The following SESN2 variants were observed in gnomAD, a reference collection of about 807,000 sequenced individuals.
The protein encoded by SESN2 is sestrin 2.
Under a neutral mutation model 56.0 loss-of-function variants are expected in SESN2, and 42 were observed. That is an observed-to-expected ratio of 0.75 (90% CI 0.59 to 0.97). The LOEUF (loss-of-function observed/expected upper bound fraction) is 0.97. Ranked by LOEUF, SESN2 falls within the 50% of genes least tolerant of loss-of-function variation. SESN2 has a pLI of 0.00. For synonymous variants in SESN2, 264 were observed against 267.1 expected (o/e 0.99, Z 0.11); for missense variants, 507 against 649.4 (o/e 0.78, Z 2.38).
chr1:28,273,579 C>G, intron 6 of SESN2, 71 bp downstream of exon 6: 1 of 1,373,642 alleles, frequency 7.3e-7, no homozygotes, highest in Non-Finnish European at 9.7e-7. Flanking sequence ...GGAGGAGCCA[C>G]CTCCTGCATT....
intron 2 of SESN2, among the ~76,000 whole-genome samples, chr1:28,270,428 C>T (rs1234170417): frequency 6.6e-6 from 1 of 150,886 alleles, no homozygotes. Context: ...AGCTAACAAA[C>T]ATTTACCCTC....
intron 9 of SESN2, among the ~76,000 whole-genome samples, chr1:28,280,512 C>T (rs1648195009): frequency 6.6e-6 from 1 of 152,206 alleles, no homozygotes; most frequent in African/African-American, 2.4e-5. Flanking sequence ...GGCCATTTTA[C>T]CTTTAGGGAA....
chr1:28,262,587 A>G (rs1418268419), intron 1 of SESN2, among the ~76,000 whole-genome samples: 2 of 136,696 alleles, frequency 1.5e-5, no homozygotes, highest in Non-Finnish European at 3.0e-5. Context: ...ATGCCACTGC[A>G]CTCCAGCCTG....
Position 28,274,923 on chromosome 1 carries a change from C to A in SESN2, c.1119C>A (p.Leu373=). The change falls in exon 8 of 10, where the codon CTC becomes CTA. Residue 373 remains leucine (L), a synonymous_variant. Transcript: ENST00000253063. ...AGAAGTTCCAGGCAGCCTATAGCCT[C>A]ACCTACAATACCATCGCCATGCACA... ...LDEKFQAAYS[L]TYNTIAMHSG... 6.2e-7 allele frequency: 1 copy of A among 1,614,206 alleles called. No homozygotes were observed. Among genetic ancestry groups the A allele is most frequent in the South Asian group, 1.1e-5 (1 of 91,088 alleles).
intron 2 of SESN2, 144 bp from the exon 3 acceptor site, chr1:28,271,530 A>G: frequency 3.2e-6 from 2 of 628,356 alleles, no homozygotes; most frequent in South Asian, 3.8e-5. Flanking sequence ...TTATTAAAAT[A>G]TGTGATCCTC....
intron 2 of SESN2, among the ~76,000 whole-genome samples, chr1:28,270,073 C>T (rs780999168): frequency 5.9e-5 from 9 of 152,152 alleles, no homozygotes; most frequent in African/African-American, 9.7e-5. Flanking sequence ...TTTGTTTTGC[C>T]GGCCGCAGTG....
rs1407270540 is a variant in SESN2 at position 28,259,952 on chromosome 1, C to T, written c.90+15C>T. 14 of 1,491,958 alleles carry T rather than the reference C, an allele frequency of 9.4e-6. No individual in the cohort carries two copies. The African/African-American group carries it at 1.7e-4, about 19-fold the overall frequency. The allele number at this position is 1,491,958 out of a possible 1,614,324, so 92.4% of individuals were successfully genotyped here. A position where few individuals can be genotyped will look rare whatever the true frequency, so the allele number is the denominator to read the frequency against. ...GCCCCGGAGAGGTAAGCGGCGGCCG[C>T]GCGACGCCCCTCTTCCCTGGAACCC... On this transcript the variant is annotated intron_variant, in intron 1 of 9. Transcript: ENST00000253063.
chr1:28,280,861 C>A lies in SESN2; in HGVS notation c.*59C>A, dbSNP rs949163716. Reference sequence around the variant, plus strand: ...CCACAAGGACTTCTCTGTCTGGAGACAGCCCCAGACCCTTTTGTGTCCCAT... The same window carrying A: ...CCACAAGGACTTCTCTGTCTGGAGAAAGCCCCAGACCCTTTTGTGTCCCAT... On this transcript the variant is annotated 3_prime_UTR_variant, in exon 10 of 10. Coordinates refer to ENST00000253063, the MANE Select transcript of SESN2 (RefSeq NM_031459.5). The A allele has an allele frequency of 7.5e-7, 1 of 1,332,872 alleles. No individual in the cohort carries two copies. The highest frequency in any genetic ancestry group is 1.1e-6 in the Non-Finnish European group (1 of 929,372). 82.6% of individuals were successfully genotyped at this position (1,332,872 alleles called of 1,614,324 possible). A position where few individuals can be genotyped will look rare whatever the true frequency, so the allele number is the denominator to read the frequency against.
chr1:28,271,163 C>T (rs1418457389), intron 2 of SESN2, among the ~76,000 whole-genome samples: 2 of 152,176 alleles, frequency 1.3e-5, no homozygotes, highest in African/African-American at 2.4e-5. Flanking sequence ...TAATAGTATT[C>T]ACCTCACAGG....
At position 28,273,359 on chromosome 1, in the gene SESN2, G is replaced by T. The variant is rs1316928473; in HGVS notation, c.752G>T (p.Gly251Val). Residue 251 changes from glycine (G) to valine (V), a missense_variant and splice_region_variant, in exon 6 of 10, where the codon GGC (glycine) becomes GTC (valine). Gly to Val is a moderately radical substitution (Grantham distance 109, BLOSUM62 -3). Coordinates refer to ENST00000253063, the MANE Select transcript of SESN2 (RefSeq NM_031459.5). The stretch of plus-strand genomic sequence containing the variant: ...GTCACCACGGGGCCTCTCCTGCAGG[G>T]CTTTGAGTCTGCCCGCGACGTGGAG... Reference protein sequence around the residue: ...PSRDPLNNSGGFESARDVEAL... With the variant: ...PSRDPLNNSGVFESARDVEAL... 6.3e-7 allele frequency: 1 copy of T among 1,590,784 alleles called. No homozygotes were observed. Among genetic ancestry groups the T allele is most frequent in the African/African-American group, 1.3e-5 (1 of 74,374 alleles).
chr1:28,279,127 C>T lies in SESN2; in HGVS notation c.1242C>T (p.Asn414=), dbSNP rs1406260271. The T allele has an allele frequency of 6.2e-7, 1 of 1,614,016 alleles. No individual in the cohort carries two copies. Among genetic ancestry groups the T allele is most frequent in the Non-Finnish European group, 8.5e-7 (1 of 1,179,902 alleles). ...ATGACTATGATTATGGGGAGGTGAA[C>T]CAGCTCCTGGAGCGGAACCTCAAGG... ...RYDDYDYGEV[N]QLLERNLKVY... is the part of the protein sequence containing the mutation. The change falls in exon 9 of 10, where the codon AAC becomes AAT. Residue 414 remains asparagine (N), a synonymous_variant. Transcript: ENST00000253063.
At chr1:28,280,108 G>A (rs781370415) in intron 9 of SESN2, among the ~76,000 whole-genome samples, 24 of 151,994 alleles carry the variant, frequency 1.6e-4, no homozygotes, top group Non-Finnish European at 1.3e-4. Flanking sequence ...AAAGTTTTTT[G>A]TTTTTGTGAT....
At chr1:28,271,401 G>C (rs1472374525) in intron 2 of SESN2, among the ~76,000 whole-genome samples, 1 of 152,194 alleles carries the variant, frequency 6.6e-6, no homozygotes, top group Non-Finnish European at 1.5e-5. Flanking sequence ...TTTTATAGTT[G>C]TTGTGAGAGT....
chr1:28,274,194 A>G (rs1489709937), intron 7 of SESN2, 36 bp downstream of exon 7: 2 of 1,315,978 alleles, frequency 1.5e-6, no homozygotes, highest in Non-Finnish European at 1.1e-6. Flanking sequence ...CCATTGCTCC[A>G]CATTTACGAA....
intron 8 of SESN2, among the ~76,000 whole-genome samples, chr1:28,275,394 C>T (rs1448752592): frequency 6.6e-6 from 1 of 152,086 alleles, no homozygotes; most frequent in African/African-American, 2.4e-5. Flanking sequence ...ATAAGGACAA[C>T]ATAAATGCTC....
intron 2 of SESN2, among the ~76,000 whole-genome samples, chr1:28,270,077 C>T (rs186927537): frequency 5.3e-5 from 8 of 152,170 alleles, no homozygotes; most frequent in South Asian, 2.1e-4. Flanking sequence ...TTTTGCCGGC[C>T]GCAGTGGCTC....
rs754347851 is a variant in SESN2, at chr1:28,272,642, T to G, written c.599T>G (p.Leu200Arg). Residue 200 changes from leucine to arginine, a missense_variant, in exon 5 of 10, where the codon CTG becomes CGG. By Grantham distance (102) the Leu-to-Arg change is moderately radical (BLOSUM62 -2). Transcript: ENST00000253063. Reference protein sequence around the residue: ...SLAELIQALVLLTHCHSLSSF... With the variant: ...SLAELIQALVRLTHCHSLSSF... Reference sequence around the variant, plus strand: ...GCCGAGCTCATTCAGGCTCTGGTCCTGCTCACCCACTGCCACTCGCTCTCC... The same window carrying G: ...GCCGAGCTCATTCAGGCTCTGGTCCGGCTCACCCACTGCCACTCGCTCTCC... 3 of 1,614,172 alleles carry G rather than the reference T, an allele frequency of 1.9e-6. No homozygotes were observed. Among genetic ancestry groups the G allele is most frequent in the Non-Finnish European group, 1.7e-6 (2 of 1,180,030 alleles).
intron 8 of SESN2, among the ~76,000 whole-genome samples, chr1:28,278,728 G>A (rs1648132483): frequency 6.6e-6 from 1 of 152,226 alleles, no homozygotes; most frequent in African/African-American, 2.4e-5. Flanking sequence ...ACTAGGGCAA[G>A]TGACTTCCTT....
chr1:28,260,696 C>G lies in SESN2; in HGVS notation c.90+759C>G, dbSNP rs565743378. ...TTCCTCCCCCACCCTCCCTTCGCGC[C>G]GCTCCCCTCCACCCCCCCGCATTCG... On this transcript the variant is annotated intron_variant, in intron 1 of 9. Transcript: ENST00000253063. 6.6e-5 allele frequency among the ~76,000 whole-genome samples: 10 copies of G among 151,910 alleles called. 1 individual carries two copies. The South Asian group carries it at 2.1e-3, about 32-fold the overall frequency.
Sources: gnomAD v4.1 joint callset for allele counts (sites outside exome capture counted in the v4.1 genomes callset) on GRCh38, gnomAD v4.1.1 for gene constraint, MANE v1.5 for transcripts, NCBI Gene and HGNC (gene_info 2026-07-23, HGNC 2026-07-21) for gene names.